The following SHISA5 variants were observed in gnomAD, a reference collection of about 807,000 sequenced individuals.
SHISA5 encodes the protein shisa family member 5, also known as protein shisa-5.
SHISA5 carries 21 observed loss-of-function variants against 27.5 expected under a neutral mutation model. The observed-to-expected ratio is 0.76, with a 90% confidence interval of 0.54 to 1.10. The LOEUF is 1.10. Among genes scored for constraint, SHISA5 ranks in the 50% least tolerant of loss-of-function variants. The pLI is 0.00. For missense variants in SHISA5, 314 were observed against 336.3 expected, an observed-to-expected ratio of 0.93 and a Z score of 0.52; for synonymous variants, 137 against 142.2, an observed-to-expected ratio of 0.96 and a Z score of 0.26.
At chr3:48,484,708 A>G (rs1318409772) in intron 2 of SHISA5, among the ~76,000 whole-genome samples, 1 of 151,550 alleles carries the variant, frequency 6.6e-6, no homozygotes, top group Non-Finnish European at 1.5e-5. Flanking sequence ...CCTGGCCAAA[A>G]TGGTGAAACC....
At chr3:48,496,359 C>A (rs1048777454) in intron 2 of SHISA5, among the ~76,000 whole-genome samples, 2 of 151,598 alleles carry the variant, frequency 1.3e-5, no homozygotes, top group African/African-American at 4.9e-5. Context: ...TTTGGGAGGC[C>A]GAGGCAGGTG....
At position 48,468,232 on chromosome 3, in the gene SHISA5, A is replaced by G; in HGVS notation, c.*875T>C. ...TCTCATATCAACTATCATGTTTGAA[A>G]CAGAAAACAGGCAAAATGTTTGGCT... On this transcript the variant is annotated 3_prime_UTR_variant, in exon 6 of 6. Transcript: ENST00000296444. 1.0e-6 allele frequency: 1 copy of G among 1,001,850 alleles called. No individual in the cohort carries two copies. The highest frequency in any genetic ancestry group is 1.2e-6 in the Non-Finnish European group (1 of 839,220). 62.1% of individuals were successfully genotyped at this position (1,001,850 alleles called of 1,614,324 possible).
intron 2 of SHISA5, among the ~76,000 whole-genome samples, chr3:48,498,900 G>A (rs184216466): frequency 0.014 from 2,188 of 151,058 alleles, 59 homozygotes; most frequent in African/African-American, 0.049. Flanking sequence ...TGGCCAACAC[G>A]GTGAAACCCT....
chr3:48,470,796 G>A lies in SHISA5; in HGVS notation c.315-953C>T, dbSNP rs6764415. Among the ~76,000 whole-genome samples the A allele has an allele frequency of 0.56, 85,257 of 151,852 alleles. 24,009 individuals are homozygous for A. Among genetic ancestry groups the A allele is most frequent in the East Asian group, 0.69 (3,527 of 5,132 alleles). The stretch of plus-strand genomic sequence containing the variant: ...ACAAAAATTAGTCGGGCACGGTGGC[G>A]GGTGCCTGTAATCCCAGCTACTTGG... On this transcript the variant is annotated intron_variant, in intron 3 of 5. Transcript: ENST00000296444. This position sits in a 1 kb window ranked among gnomAD's most constrained non-coding sequence, Gnocchi z 4.3.
In SHISA5 at chr3:48,470,021, A is replaced by T. The variant is rs1161162903; in HGVS notation, c.315-178T>A. On this transcript the variant is annotated intron_variant, in intron 3 of 5. Coordinates refer to ENST00000296444, the MANE Select transcript of SHISA5 (RefSeq NM_016479.6). This position sits in a 1 kb window ranked among gnomAD's most constrained non-coding sequence, Gnocchi z 4.3. The stretch of plus-strand genomic sequence containing the variant: ...TTTCCTCTTGTGTAAACTGGGGTAT[A>T]TGTGAGTCCCTGTAACTGTCTCTCC... The T allele has an allele frequency of 3.9e-6, 3 of 767,592 alleles. No homozygotes were observed. The highest frequency in any genetic ancestry group is 6.2e-6 in the Non-Finnish European group (3 of 481,200). The allele number at this position is 767,592 out of a possible 1,614,324, so 47.5% of individuals were successfully genotyped here. A position where few individuals can be genotyped will look rare whatever the true frequency, so the allele number is the denominator to read the frequency against.
At position 48,492,817 on chromosome 3, in the gene SHISA5, T is replaced by G. The variant is rs1360865336; in HGVS notation, c.233+8320A>C. 2.0e-5 allele frequency among the ~76,000 whole-genome samples: 3 copies of G among 147,372 alleles called. 1 individual carries two copies. The highest frequency in any genetic ancestry group is 8.1e-5 in the African/African-American group (3 of 37,144). ...AACTGGGGTTAATCAGAAGTCAACATGGGCAGATTAGCATCCAAGATGGAG... is the reference window on the plus strand; with the variant it reads ...AACTGGGGTTAATCAGAAGTCAACAGGGGCAGATTAGCATCCAAGATGGAG... On this transcript the variant is annotated intron_variant, in intron 2 of 5. Coordinates refer to ENST00000296444, the MANE Select transcript of SHISA5 (RefSeq NM_016479.6).
rs147137615 is a variant in SHISA5 at position 48,469,825 on chromosome 3, G to A, written c.333C>T (p.Ala111=). Reference sequence around the variant, plus strand: ...ACAGCACAAAGATGGTCAGGCCAACGGCCAAGGTCGCTCCGAACCTGCCAA... The same window carrying A: ...ACAGCACAAAGATGGTCAGGCCAACAGCCAAGGTCGCTCCGAACCTGCCAA... ...DPMSGFGATL[A]VGLTIFVLSV... is the part of the protein sequence containing the mutation. Residue 111 remains alanine (A), a synonymous_variant, in exon 4 of 6, where the codon GCC becomes GCT. Transcript: ENST00000296444. The surrounding 1 kb of genome is among the most constrained non-coding windows in gnomAD (Gnocchi z 4.6). The A allele has an allele frequency of 2.5e-5, 41 of 1,613,848 alleles. No individual in the cohort carries two copies. The highest frequency in any genetic ancestry group is 1.5e-4 in the Admixed American group (9 of 59,960).
intron 2 of SHISA5, among the ~76,000 whole-genome samples, chr3:48,489,318 A>AT (rs1190922414): frequency 1.3e-4 from 19 of 147,458 alleles, no homozygotes; most frequent in Non-Finnish European, 3.0e-5. Flanking sequence ...TGCTACAGCT[A>AT]TTTTTTTATT....
chr3:48,483,750 G>T (rs2041105302), intron 2 of SHISA5, among the ~76,000 whole-genome samples: 3 of 150,094 alleles, frequency 2.0e-5, no homozygotes, highest in Non-Finnish European at 3.0e-5. Flanking sequence ...GGACGGGGCG[G>T]CTGGCCGGGC....
intron 2 of SHISA5, among the ~76,000 whole-genome samples, chr3:48,484,054 G>T (rs1263602063): frequency 1.3e-5 from 2 of 152,102 alleles, no homozygotes. Context: ...TATGATGTCT[G>T]GGATTTGCTT....
rs1208715700 is a variant in SHISA5, at chr3:48,468,537, GGAC to G, written c.*567_*569del. On this transcript the variant is annotated 3_prime_UTR_variant, in exon 6 of 6. Transcript: ENST00000296444. ...GCATGACAGGCTCCAGGGAGCAATGGGACATCTGCCCAAAGGATCAAAGTCCAA... is the reference window on the plus strand; with the variant it reads ...GCATGACAGGCTCCAGGGAGCAATGGATCTGCCCAAAGGATCAAAGTCCAA... 3.2e-5 allele frequency: 38 copies of G among 1,187,362 alleles called. No individual in the cohort carries two copies. Among genetic ancestry groups the G allele is most frequent in the Non-Finnish European group, 3.9e-5 (37 of 942,114 alleles). 73.6% of individuals were successfully genotyped at this position (1,187,362 alleles called of 1,614,324 possible).
rs1575296812 is a variant in SHISA5 at position 48,468,697 on chromosome 3, A to G, written c.*410T>C. On this transcript the variant is annotated 3_prime_UTR_variant, in exon 6 of 6. Transcript: ENST00000296444. Reference sequence around the variant, plus strand: ...CGAAACCAGGACACATCTGCATCACACAGAAAGCTGCGCCACCCTGGTGTG... The same window carrying G: ...CGAAACCAGGACACATCTGCATCACGCAGAAAGCTGCGCCACCCTGGTGTG... The G allele has an allele frequency of 3.2e-6, 4 of 1,263,824 alleles. No individual in the cohort carries two copies. The highest frequency in any genetic ancestry group is 4.1e-6 in the Non-Finnish European group (4 of 980,428). The allele number at this position is 1,263,824 out of a possible 1,614,324, so 78.3% of individuals were successfully genotyped here.
intron 2 of SHISA5, among the ~76,000 whole-genome samples, chr3:48,484,372 G>A (rs2041128237): frequency 6.6e-6 from 1 of 152,194 alleles, no homozygotes; most frequent in African/African-American, 2.4e-5. Flanking sequence ...GAGGCAGGCG[G>A]ATCACCTAAG....
rs1195281041 is a variant in SHISA5 at position 48,493,523 on chromosome 3, C to CT, written c.233+7613dup. 1.8e-3 allele frequency among the ~76,000 whole-genome samples: 92 copies of CT among 50,456 alleles called. 13 individuals carry two copies. The highest frequency in any genetic ancestry group is 2.3e-3 in the Non-Finnish European group (73 of 31,874). The allele number at this position is 50,456 out of a possible 152,430, so 33.1% of individuals were successfully genotyped here. Reference sequence around the variant, plus strand: ...TCCTTAGAAATGGCCATGATCTATTCTTTTTTTTTTTTTTTTTTTTTTTTT... The same window carrying CT: ...TCCTTAGAAATGGCCATGATCTATTCTTTTTTTTTTTTTTTTTTTTTTTTTT... On this transcript the variant is annotated intron_variant, in intron 2 of 5. Coordinates refer to ENST00000296444, the MANE Select transcript of SHISA5 (RefSeq NM_016479.6).
Position 48,478,662 on chromosome 3 carries a change from C to G in SHISA5, c.314+515G>C, listed in dbSNP as rs1261694787. 2.0e-5 allele frequency among the ~76,000 whole-genome samples: 3 copies of G among 152,262 alleles called. No individual in the cohort carries two copies. In the East Asian group the frequency reaches 5.8e-4, roughly 29 times the overall value. The stretch of plus-strand genomic sequence containing the variant: ...TGAGAGGAGAGTCCTGACACAGTAA[C>G]CATGACCCACAAAGCTTCACACAGG... On this transcript the variant is annotated intron_variant, in intron 3 of 5. Transcript: ENST00000296444.
At chr3:48,472,968 T>A (rs1479306221) in intron 3 of SHISA5, 1 of 1,515,406 alleles carries the variant, frequency 6.6e-7, no homozygotes, top group African/African-American at 1.4e-5. Context: ...TCTCTCAGTG[T>A]TTGTCTCTCA....
intron 3 of SHISA5, among the ~76,000 whole-genome samples, chr3:48,471,277 G>T (rs1346948191): frequency 1.3e-5 from 2 of 152,042 alleles, no homozygotes; most frequent in African/African-American, 4.8e-5. Context: ...GCCTCTCAAA[G>T]TGCTGAGATT....
intron 2 of SHISA5, among the ~76,000 whole-genome samples, chr3:48,486,344 G>GTATTATATATTAT (rs1342438278): frequency 7.2e-3 from 32 of 4,452 alleles, no homozygotes; most frequent in African/African-American, 0.02. Flanking sequence ...AATATATAAT[G>GTATTATATATTAT]ATAATGTATT....
chr3:48,468,835 C>A lies in SHISA5; in HGVS notation c.*272G>T. 6.7e-7 allele frequency: 1 copy of A among 1,492,474 alleles called. No homozygotes were observed. The highest frequency in any genetic ancestry group is 2.0e-5 in the Admixed American group (1 of 49,388). The allele number at this position is 1,492,474 out of a possible 1,614,324, so 92.5% of individuals were successfully genotyped here. A position where few individuals can be genotyped will look rare whatever the true frequency, so the allele number is the denominator to read the frequency against. On this transcript the variant is annotated 3_prime_UTR_variant, in exon 6 of 6. Coordinates refer to ENST00000296444, the MANE Select transcript of SHISA5 (RefSeq NM_016479.6). The stretch of plus-strand genomic sequence containing the variant: ...ACAGGGTGCCCCCCACCACCCCATT[C>A]TTTGAGTTTGGCTTGAGATTTTAGG...
Sources: gnomAD v4.1 joint callset for allele counts (sites outside exome capture counted in the v4.1 genomes callset) on GRCh38, gnomAD v4.1.1 for gene constraint, Gnocchi (gnomAD v3.1) non-coding constraint, MANE v1.5 for transcripts, NCBI Gene and HGNC (gene_info 2026-07-23, HGNC 2026-07-21) for gene names.